Variants in FANCI observed in about 807,000 individuals in gnomAD.
The protein encoded by FANCI is Fanconi anemia group I protein.
Under a neutral mutation model 176.1 loss-of-function variants are expected in FANCI, and 156 were observed. That is an observed-to-expected ratio of 0.89 (90% CI 0.78 to 1.01). FANCI has a LOEUF of 1.01. Among genes scored for constraint, FANCI ranks in the 50% least tolerant of loss-of-function variants. FANCI has a pLI of 0.00. For missense variants in FANCI, 1,678 were observed against 1,534.1 expected, an observed-to-expected ratio of 1.09 and a Z score of -1.57; for synonymous variants, 613 against 541.7, an observed-to-expected ratio of 1.13 and a Z score of -1.83.
chr15:89,244,532 C>A (rs2051858515), intron 1 of FANCI, among the ~76,000 whole-genome samples: 1 of 152,186 alleles, frequency 6.6e-6, no homozygotes, highest in Non-Finnish European at 1.5e-5. Context: ...TCAGGGAATT[C>A]ACAGCCACCC....
rs746544641 is a variant in FANCI, at chr15:89,305,202, T to A, written c.3146T>A (p.Leu1049Ter). 11 of 1,614,244 alleles carry A rather than the reference T, an allele frequency of 6.8e-6. No homozygotes were observed. Among genetic ancestry groups the A allele is most frequent in the Non-Finnish European group, 8.5e-6 (10 of 1,180,038 alleles). ...AGTCCTGTCATTCTGCTGCGTGACT[T>A]GTCCCAGGATATCCACGGGCATCTG... The part of the protein sequence containing the change: ...YKSPVILLRD[L>*]SQDIHGHLGD... The change falls in exon 29 of 38, where the codon TTG becomes TAG. Residue 1049 changes from leucine (L) to a stop codon, truncating the protein, a stop_gained. Coordinates refer to ENST00000310775, the MANE Select transcript of FANCI (RefSeq NM_001113378.2). LOFTEE classifies it high-confidence loss of function.
Position 89,292,831 on chromosome 15 carries a change from A to G in FANCI, c.2136A>G (p.Arg712=). 1.2e-6 allele frequency: 2 copies of G among 1,614,120 alleles called. No individual in the cohort carries two copies. Residue 712 remains arginine (R), a synonymous_variant, in exon 21 of 38, where the codon AGA becomes AGG. Coordinates refer to ENST00000310775, the MANE Select transcript of FANCI (RefSeq NM_001113378.2). The part of the protein sequence containing the change: ...LDDILESITN[R]MIKSELEDFE... ...ATATATTGGAGTCCATTACTAATAGAATGATTAAGAGTGAGCTGGAAGACT... is the reference window on the plus strand; with the variant it reads ...ATATATTGGAGTCCATTACTAATAGGATGATTAAGAGTGAGCTGGAAGACT...
At chr15:89,288,334 C>T (rs2151658416) in intron 18 of FANCI, among the ~76,000 whole-genome samples, 1 of 151,930 alleles carries the variant, frequency 6.6e-6, no homozygotes, top group African/African-American at 2.4e-5. Context: ...GCCCCTTCCC[C>T]CCCAAAAAAA....
intron 4 of FANCI, 149 bp downstream of exon 4, chr15:89,260,992 A>G (rs1360682228): frequency 4.9e-6 from 5 of 1,019,570 alleles, no homozygotes; most frequent in South Asian, 4.0e-5. Context: ...CAGGCCGGGC[A>G]TGGTGACTCA....
chr15:89,295,003 A>G lies in FANCI; in HGVS notation c.2545A>G (p.Lys849Glu). The G allele has an allele frequency of 6.4e-7, 1 of 1,552,328 alleles. No homozygotes were observed. The stretch of plus-strand genomic sequence containing the variant: ...CTATGCAGTGAATGTAGCTCTGCAG[A>G]AAGTACAGCAGCTAAAGGAAACAGG... ...MRYAVNVALQKVQQLKETGHV... is the reference protein window; with the variant it reads ...MRYAVNVALQEVQQLKETGHV... Residue 849 changes from lysine to glutamate, a missense_variant, in exon 24 of 38, where the codon AAA becomes GAA. This residue lies in a region of FANCI where 1,204 missense variants were observed against 1,077.4 expected (regional missense o/e 1.12). Transcript: ENST00000310775.
At chr15:89,279,318 C>G (rs988091062) in intron 14 of FANCI, among the ~76,000 whole-genome samples, 4 of 152,126 alleles carry the variant, frequency 2.6e-5, no homozygotes, top group Non-Finnish European at 5.9e-5. Flanking sequence ...CTACCACACC[C>G]AGTTAATTTT....
At chr15:89,253,278 A>T (rs1337614976) in intron 2 of FANCI, among the ~76,000 whole-genome samples, 1 of 152,204 alleles carries the variant, frequency 6.6e-6, no homozygotes, top group South Asian at 2.1e-4. Flanking sequence ...GAAAAAATAG[A>T]TGAAATTAGA....
intron 9 of FANCI, among the ~76,000 whole-genome samples, chr15:89,266,733 A>T (rs911385103): frequency 2.6e-5 from 4 of 152,110 alleles, no homozygotes; most frequent in African/African-American, 9.7e-5. Context: ...TCAGCCTCCC[A>T]AAGTGCTGGA....
chr15:89,259,638 T>C (rs549413685), intron 3 of FANCI, among the ~76,000 whole-genome samples: 24 of 152,326 alleles, frequency 1.6e-4, no homozygotes, highest in African/African-American at 5.8e-4. Context: ...ATCTCTTAGA[T>C]GTCACCTCTC....
chr15:89,254,876 A>T lies in FANCI; in HGVS notation c.85-3828A>T, dbSNP rs190289976. Among the ~76,000 whole-genome samples, 7 of 152,318 alleles carry T rather than the reference A, an allele frequency of 4.6e-5. No homozygotes were observed. In the East Asian group the frequency reaches 9.6e-4, roughly 21 times the overall value. ...GGAGTTCTCTTGCTTACAGTGCAGG[A>T]GTTGGAAAATCATTCCTTTGCAATT... On this transcript the variant is annotated intron_variant, in intron 2 of 37. Coordinates refer to ENST00000310775, the MANE Select transcript of FANCI (RefSeq NM_001113378.2).
At chr15:89,266,165 GTTTTTT>G (rs34065435) in intron 9 of FANCI, among the ~76,000 whole-genome samples, 1 of 109,772 alleles carries the variant, frequency 9.1e-6, no homozygotes, top group African/African-American at 3.5e-5. Context: ...CCTGGCTACT[GTTTTTT>G]TTTTTTTTTT....
At chr15:89,272,638 C>T (rs573703199) in intron 10 of FANCI, among the ~76,000 whole-genome samples, 3 of 152,172 alleles carry the variant, frequency 2.0e-5, no homozygotes, top group Admixed American at 2.0e-4. Context: ...GATTTCTGAT[C>T]CATTCAAGGA....
rs199726965 is a variant in FANCI at position 89,281,187 on chromosome 15, G to A, written c.1399G>A (p.Val467Ile). 555 of 1,613,430 alleles carry A rather than the reference G, an allele frequency of 3.4e-4. No homozygotes were observed. Among genetic ancestry groups the A allele is most frequent in the Non-Finnish European group, 4.3e-4 (507 of 1,179,616 alleles). The change falls in exon 15 of 38, where the codon GTC becomes ATC. Residue 467 changes from valine (V) to isoleucine (I), a missense_variant. Val to Ile is a conservative substitution (Grantham distance 29). Transcript: ENST00000310775. ...SHFLDLLSNIVMYAPLVLQSC... is the reference protein window; with the variant it reads ...SHFLDLLSNIIMYAPLVLQSC... ...TTTTTCAGACCTGCTTTCAAATATC[G>A]TCATGTATGCACCCTTAGTTCTTCA...
chr15:89,250,716 AAT>A (rs928771987), intron 2 of FANCI, among the ~76,000 whole-genome samples: 3 of 150,166 alleles, frequency 2.0e-5, no homozygotes, highest in Non-Finnish European at 4.4e-5. Flanking sequence ...TATATATAAA[AAT>A]AAAAAAATAC....
At chr15:89,282,048 C>G (rs192661256) in intron 16 of FANCI, 133 of 544,120 alleles carry the variant, frequency 2.4e-4, no homozygotes, top group African/African-American at 2.3e-3. Flanking sequence ...AGAATTATTG[C>G]AATTCCCATT....
At chr15:89,287,625 A>G (rs28770842) in intron 18 of FANCI, among the ~76,000 whole-genome samples, 58,490 of 152,106 alleles carry the variant, frequency 0.38, 11,393 homozygotes, top group South Asian at 0.41. Context: ...CTCAGCTTGT[A>G]ACATGCCTTA....
chr15:89,313,253 CA>C (rs1199747969), intron 35 of FANCI, among the ~76,000 whole-genome samples: 1 of 151,726 alleles, frequency 6.6e-6, no homozygotes, highest in Non-Finnish European at 1.5e-5. Flanking sequence ...CACAACTCTG[CA>C]AATACTGAAA....
chr15:89,268,308 T>A, intron 9 of FANCI, 91 bp from the exon 10 acceptor site: 1 of 1,378,374 alleles, frequency 7.3e-7, no homozygotes, highest in Non-Finnish European at 1.0e-6. Context: ...TGGGATCAAG[T>A]GATGCGCCCG....
Position 89,316,358 on chromosome 15 carries a change from G to C in FANCI, c.3925-39G>C, listed in dbSNP as rs773468132. On this transcript the variant is annotated intron_variant, in intron 37 of 37. Coordinates refer to ENST00000310775, the MANE Select transcript of FANCI (RefSeq NM_001113378.2). ...TTTTTATTTCCACTGCCTTGGAGCA[G>C]GTTTATCACGTTAGAGCATTAATTC... The C allele has an allele frequency of 2.5e-6, 4 of 1,587,272 alleles. No homozygotes were observed. The African/African-American group carries it at 5.4e-5, about 21-fold the overall frequency.
Sources: allele counts gnomAD v4.1 joint callset (sites outside exome capture counted in the v4.1 genomes callset), GRCh38; gene constraint gnomAD v4.1.1; regional missense constraint gnomAD v4.1.1; transcripts MANE v1.5; gene names NCBI Gene and HGNC (gene_info 2026-07-23, HGNC 2026-07-21).